The following MYO16 variants were observed in gnomAD, a reference collection of about 807,000 sequenced individuals.
The protein encoded by MYO16 is unconventional myosin-XVI.
MYO16 carries 94 observed loss-of-function variants against 205.3 expected under a neutral mutation model. The observed-to-expected ratio is 0.46, with a 90% CI of 0.39 to 0.54. The LOEUF (loss-of-function observed/expected upper bound fraction) is 0.54, where lower values mean the gene tolerates loss of function less well. Ranked by LOEUF, MYO16 falls within the 20% of genes least tolerant of loss-of-function variation. MYO16 has a pLI of 0.00. For synonymous variants in MYO16, 988 were observed against 954.0 expected, an observed-to-expected ratio of 1.04 and a Z score of -0.66; for missense variants, 2,315 against 2,387.5, an observed-to-expected ratio of 0.97 and a Z score of 0.63.
intron 20 of MYO16, among the ~76,000 whole-genome samples, chr13:108,979,692 T>C (rs1343091889): frequency 6.6e-6 from 1 of 152,086 alleles, no homozygotes; most frequent in Non-Finnish European, 1.5e-5. Flanking sequence ...AAAATACCCA[T>C]ATGTATAATG....
chr13:109,061,293 C>T (rs1357852988), intron 27 of MYO16, among the ~76,000 whole-genome samples: 1 of 152,164 alleles, frequency 6.6e-6, no homozygotes, highest in Non-Finnish European at 1.5e-5. Context: ...TTTGAGTTTC[C>T]TTCAATAACT....
At chr13:108,838,814 G>C (rs370393434) in intron 9 of MYO16, among the ~76,000 whole-genome samples, 1 of 147,426 alleles carries the variant, frequency 6.8e-6, no homozygotes, top group African/African-American at 2.5e-5. Context: ...TTTAAAATAC[G>C]TGAAGGGGTT....
At chr13:108,741,249 G>A (rs1884900356) in intron 4 of MYO16, among the ~76,000 whole-genome samples, 1 of 152,176 alleles carries the variant, frequency 6.6e-6, no homozygotes, top group South Asian at 2.1e-4. Flanking sequence ...GTAGACTGGA[G>A]CTGTTCCTAT....
intron 33 of MYO16, among the ~76,000 whole-genome samples, chr13:109,172,932 G>A (rs545327682): frequency 2.2e-4 from 33 of 152,196 alleles, no homozygotes; most frequent in African/African-American, 5.5e-4. Flanking sequence ...AAATGCCCAC[G>A]TGTACAGCCA....
chr13:108,793,773 T>G, intron 6 of MYO16, 133 bp downstream of exon 6: 1 of 1,049,078 alleles, frequency 9.5e-7, no homozygotes, highest in Non-Finnish European at 1.3e-6. Flanking sequence ...TTGTAGAAGT[T>G]TTGGAAAACA....
At chr13:108,559,478 T>C in the MYO16 span, among the ~76,000 whole-genome samples, 9 of 137,804 alleles carry the variant, frequency 6.5e-5, no homozygotes, top group South Asian at 5.1e-4. Flanking sequence ...TTCTTTTTTT[T>C]TTTTTTTTTT....
At position 108,934,366 on chromosome 13, in the gene MYO16, T is replaced by C. The variant is rs138031612; in HGVS notation, c.1926-23322T>C. Among the ~76,000 whole-genome samples the C allele has an allele frequency of 2.6e-5, 4 of 152,314 alleles. No homozygotes were observed. The East Asian group carries it at 7.7e-4, about 29-fold the overall frequency. ...ATTAATGATGAAAAGCATTTTTTCT[T>C]ATGATTGTTGGCTGCTTGGGTGTCA... On this transcript the variant is annotated intron_variant, in intron 16 of 34. Transcript: ENST00000457511.
intron 31 of MYO16, among the ~76,000 whole-genome samples, chr13:109,139,970 G>C (rs1358482903): frequency 6.6e-6 from 1 of 152,034 alleles, no homozygotes; most frequent in African/African-American, 2.4e-5. Flanking sequence ...TGGGTGGGTA[G>C]CAGCAGAAGT....
chr13:108,869,192 A>G (rs906068900), intron 12 of MYO16, among the ~76,000 whole-genome samples: 6 of 152,074 alleles, frequency 3.9e-5, no homozygotes, highest in African/African-American at 1.4e-4. Context: ...ATTGCATTAT[A>G]TTTACAGTTC....
At chr13:108,932,507 A>G (rs1237042312) in intron 16 of MYO16, among the ~76,000 whole-genome samples, 2 of 152,202 alleles carry the variant, frequency 1.3e-5, no homozygotes, top group Non-Finnish European at 2.9e-5. Flanking sequence ...GACTATTTTT[A>G]TGTTAATTCC....
intron 1 of MYO16, among the ~76,000 whole-genome samples, chr13:108,641,882 C>A (rs1267197712): frequency 6.6e-6 from 1 of 152,172 alleles, no homozygotes; most frequent in East Asian, 1.9e-4. Context: ...GCCTGGCATA[C>A]TTGGCCAGTG....
At chr13:108,561,186 A>G in the MYO16 span, among the ~76,000 whole-genome samples, 15 of 152,252 alleles carry the variant, frequency 9.9e-5, no homozygotes, top group African/African-American at 3.1e-4. Context: ...TATTAACAAA[A>G]TACATTGATC....
At chr13:108,652,176 C>T (rs979605798) in intron 1 of MYO16, among the ~76,000 whole-genome samples, 17 of 150,702 alleles carry the variant, frequency 1.1e-4, no homozygotes, top group African/African-American at 2.5e-4. Flanking sequence ...CATGTGTGCG[C>T]GTGTGTGTGT....
chr13:109,035,150 C>T (rs1185607004), intron 23 of MYO16, among the ~76,000 whole-genome samples: 1 of 133,304 alleles, frequency 7.5e-6, no homozygotes, highest in Non-Finnish European at 1.6e-5. Context: ...TAGCGTACCA[C>T]AATAACCAGG....
chr13:108,724,303 A>G (rs772536885), intron 3 of MYO16, among the ~76,000 whole-genome samples: 1 of 152,180 alleles, frequency 6.6e-6, no homozygotes, highest in Non-Finnish European at 1.5e-5. Flanking sequence ...CTTCTTATTC[A>G]TTCCTTTTTG....
chr13:109,136,083 T>G (rs1301114331), intron 31 of MYO16, among the ~76,000 whole-genome samples: 1 of 151,592 alleles, frequency 6.6e-6, no homozygotes, highest in African/African-American at 2.4e-5. Context: ...CCTTCTTTCC[T>G]TCCTTCCTTC....
At chr13:109,115,651 G>T (rs950116187) in intron 28 of MYO16, among the ~76,000 whole-genome samples, 2 of 151,928 alleles carry the variant, frequency 1.3e-5, no homozygotes, top group African/African-American at 4.8e-5. Context: ...AACACTGTAA[G>T]ACTGATTATA....
Position 109,108,847 on chromosome 13 carries a change from C to T in MYO16, c.3438+7960C>T, listed in dbSNP as rs112111866. ...ACCAAGGGGCCCAGGGTGAGGGGCC[C>T]GAGTGTGCTGAGCCCCCGAGGTGAG... On this transcript the variant is annotated intron_variant, in intron 28 of 34. Transcript: ENST00000457511. Among the ~76,000 whole-genome samples, 625 of 152,104 alleles carry T rather than the reference C, an allele frequency of 4.1e-3. 4 individuals are homozygous for T. The highest frequency in any genetic ancestry group is 0.014 in the African/African-American group (567 of 41,488).
chr13:109,134,533 C>T (rs1032980520), intron 31 of MYO16, among the ~76,000 whole-genome samples: 10 of 152,192 alleles, frequency 6.6e-5, no homozygotes, highest in African/African-American at 2.2e-4. Flanking sequence ...AAGCTGGTCA[C>T]GGGCATGTCT....
Sources: allele counts gnomAD v4.1 joint callset (sites outside exome capture counted in the v4.1 genomes callset), GRCh38; gene constraint gnomAD v4.1.1; transcripts MANE v1.5; gene names NCBI Gene and HGNC (gene_info 2026-07-23, HGNC 2026-07-21).